The following PACC1 variants were observed in gnomAD, a reference collection of about 807,000 sequenced individuals.
PACC1 encodes the protein proton activated chloride channel 1.
Under a neutral mutation model 39.7 loss-of-function variants are expected in PACC1, and 34 were observed. That is an observed-to-expected ratio of 0.86 (90% CI 0.65 to 1.14). The LOEUF is 1.14. Ranked by LOEUF, PACC1 falls within the 50% of genes most tolerant of loss-of-function variation. PACC1 has a pLI of 0.00. For synonymous variants in PACC1, 127 were observed against 160.6 expected (o/e 0.79, Z 1.58); for missense variants, 379 against 436.4 (o/e 0.87, Z 1.17).
At chr1:212,403,528 T>C (rs931197486) in intron 2 of PACC1, among the ~76,000 whole-genome samples, 4 of 152,212 alleles carry the variant, frequency 2.6e-5, no homozygotes, top group South Asian at 2.1e-4. Flanking sequence ...CTCTGGGCCA[T>C]CTCGACTTCA....
In PACC1 at chr1:212,365,112, TTTC is replaced by T. The variant is rs1660182861; in HGVS notation, c.*100_*102del. The T allele has an allele frequency of 8.1e-7, 1 of 1,234,826 alleles. No homozygotes were observed. The highest frequency in any genetic ancestry group is 2.5e-5 in the East Asian group (1 of 39,896). 76.5% of individuals were successfully genotyped at this position (1,234,826 alleles called of 1,614,324 possible). A position where few individuals can be genotyped will look rare whatever the true frequency, so the allele number is the denominator to read the frequency against. ...TGCTGTTCCTCCCAGCAAGGCCCCA[TTTC>T]TTCAAGTGAGTACAGGATTGTTGAT... is the stretch of plus-strand genomic sequence containing the variant. On this transcript the variant is annotated 3_prime_UTR_variant, in exon 8 of 8. Transcript: ENST00000261455.
chr1:212,408,306 G>A (rs1306601509), intron 2 of PACC1, among the ~76,000 whole-genome samples: 2 of 152,020 alleles, frequency 1.3e-5, no homozygotes, highest in Non-Finnish European at 1.5e-5. Context: ...AAGCAGTCAG[G>A]AAATGTTAGC....
chr1:212,393,430 T>C (rs1278166834), intron 2 of PACC1, among the ~76,000 whole-genome samples: 4 of 151,794 alleles, frequency 2.6e-5, no homozygotes, highest in Admixed American at 6.6e-5. Flanking sequence ...GGGACACATT[T>C]AAAGCAGTGT....
At position 212,380,016 on chromosome 1, in the gene PACC1, C is replaced by G; in HGVS notation, c.517G>C (p.Gly173Arg). The G allele has an allele frequency of 6.2e-7, 1 of 1,614,130 alleles. No homozygotes were observed. Among genetic ancestry groups the G allele is most frequent in the Non-Finnish European group, 8.5e-7 (1 of 1,180,018 alleles). Residue 173 changes from glycine (G) to arginine (R), a missense_variant, in exon 5 of 8, where the codon GGG becomes CGG. By Grantham distance (125) the Gly-to-Arg change is moderately radical. Coordinates refer to ENST00000261455, the MANE Select transcript of PACC1 (RefSeq NM_018252.3). Reference sequence around the variant, plus strand: ...TCCCGCTTTTTCACTTCCCGGGGCCCCTGGACAATCAGGGCAGATTTCTGC... The same window carrying G: ...TCCCGCTTTTTCACTTCCCGGGGCCGCTGGACAATCAGGGCAGATTTCTGC... ...QTVKSALIVQ[G>R]PREVKKRELV...
In PACC1 at chr1:212,408,834, A is replaced by C. The variant is rs952309617; in HGVS notation, c.133+1591T>G. ...TCAAGGCTAGGCTGGTGAGCAAAAC[A>C]GACTGGTCTCTGCCCTCAGGGAGTT... On this transcript the variant is annotated intron_variant, in intron 2 of 7. Coordinates refer to ENST00000261455, the MANE Select transcript of PACC1 (RefSeq NM_018252.3). 2.6e-5 allele frequency among the ~76,000 whole-genome samples: 4 copies of C among 152,224 alleles called. No individual in the cohort carries two copies. The South Asian group carries it at 6.2e-4, about 24-fold the overall frequency.
At chr1:212,367,565 A>G (rs1660291100) in intron 7 of PACC1, among the ~76,000 whole-genome samples, 1 of 152,150 alleles carries the variant, frequency 6.6e-6, no homozygotes, top group Admixed American at 6.5e-5. Context: ...TAGGCCCCAA[A>G]TAATTTCAGT....
rs370826553 is a variant in PACC1 at position 212,377,671 on chromosome 1, C to T, written c.674G>A (p.Ser225Asn). The T allele has an allele frequency of 6.2e-7, 1 of 1,614,194 alleles. No individual in the cohort carries two copies. Among genetic ancestry groups the T allele is most frequent in the Non-Finnish European group, 8.5e-7 (1 of 1,180,026 alleles). The change falls in exon 6 of 8, where the codon AGT (serine) becomes AAT (asparagine). Residue 225 changes from serine (S) to asparagine (N), a missense_variant. Coordinates refer to ENST00000261455, the MANE Select transcript of PACC1 (RefSeq NM_018252.3). ...AGAGAACTTCCAGCTGGAATAGGCA[C>T]TCTCACAGGCCTGCATGAAGCCTAC... ...NRVGFMQACE[S>N]AYSSWKFSGG...
At chr1:212,385,568 T>C (rs913145826) in intron 3 of PACC1, 143 bp from the exon 4 acceptor site, 7 of 861,088 alleles carry the variant, frequency 8.1e-6, no homozygotes, top group Non-Finnish European at 1.1e-5. Context: ...TTTCAGAGGG[T>C]GAGGAGCCAC....
At chr1:212,414,596 C>T (rs2102555506) in intron 1 of PACC1, 126 bp downstream of exon 1, 2 of 1,223,996 alleles carry the variant, frequency 1.6e-6, no homozygotes, top group East Asian at 2.6e-5. Context: ...CCCTGACGCA[C>T]CCGTCGGTCC....
intron 2 of PACC1, among the ~76,000 whole-genome samples, chr1:212,396,527 T>C (rs1450715900): frequency 6.6e-6 from 1 of 151,718 alleles, no homozygotes; most frequent in African/African-American, 2.4e-5. Context: ...ATGGCACATG[T>C]ATACATATGT....
intron 6 of PACC1, among the ~76,000 whole-genome samples, chr1:212,376,099 G>A (rs1660656104): frequency 1.3e-5 from 2 of 152,258 alleles, no homozygotes; most frequent in South Asian, 4.1e-4. Context: ...ATACTTAGTA[G>A]GTGTGCTTGG....
chr1:212,399,558 C>T (rs1003742732), intron 2 of PACC1, among the ~76,000 whole-genome samples: 1 of 151,482 alleles, frequency 6.6e-6, no homozygotes, highest in African/African-American at 2.4e-5. Context: ...AACTCCTGGA[C>T]TCAAGTGGGG....
intron 2 of PACC1, among the ~76,000 whole-genome samples, chr1:212,407,243 C>T (rs977862489): frequency 1.3e-5 from 2 of 152,088 alleles, no homozygotes; most frequent in African/African-American, 2.4e-5. Context: ...AAAGACTCGA[C>T]GAGCCACTGC....
At chr1:212,389,457 C>G (rs74649097) in intron 2 of PACC1, among the ~76,000 whole-genome samples, 2,188 of 152,124 alleles carry the variant, frequency 0.014, 48 homozygotes, top group African/African-American at 0.05. Context: ...AAAAAAAATA[C>G]CCTTCTGAAG....
chr1:212,411,393 C>T (rs1662122466), intron 1 of PACC1, among the ~76,000 whole-genome samples: 1 of 152,176 alleles, frequency 6.6e-6, no homozygotes, highest in Admixed American at 6.5e-5. Context: ...GCAGGAAGGG[C>T]AGGCAGTCCA....
intron 3 of PACC1, 96 bp from the exon 4 acceptor site, chr1:212,385,521 C>T: frequency 7.4e-7 from 1 of 1,347,568 alleles, no homozygotes; most frequent in Non-Finnish European, 1.1e-6. Context: ...ACGTTCTGGA[C>T]TCCCTGGAGG....
chr1:212,374,049 G>GA lies in PACC1; in HGVS notation c.891+1143dup, dbSNP rs199738815. The stretch of plus-strand genomic sequence containing the variant: ...AAAGAAAGGAAATCAAAAAAGAAAA[G>GA]AAAAAAAAAAAAAAAGGAAATCAGT... On this transcript the variant is annotated intron_variant, in intron 7 of 7. Coordinates refer to ENST00000261455, the MANE Select transcript of PACC1 (RefSeq NM_018252.3). Among the ~76,000 whole-genome samples the GA allele has an allele frequency of 3.2e-3, 290 of 89,928 alleles. 1 individual carries two copies. Among genetic ancestry groups the GA allele is most frequent in the South Asian group, 0.01 (26 of 2,568 alleles). 59.0% of individuals were successfully genotyped at this position (89,928 alleles called of 152,430 possible).
At chr1:212,393,252 C>G (rs1346217561) in intron 2 of PACC1, among the ~76,000 whole-genome samples, 1 of 152,204 alleles carries the variant, frequency 6.6e-6, no homozygotes, top group Non-Finnish European at 1.5e-5. Context: ...GACCACAGTG[C>G]AATCAAACTA....
chr1:212,383,389 C>T (rs1038929839), intron 4 of PACC1, among the ~76,000 whole-genome samples: 4 of 152,140 alleles, frequency 2.6e-5, no homozygotes, highest in Non-Finnish European at 5.9e-5. Flanking sequence ...CCTAGTGGGA[C>T]GGAAGCAGCC....
Sources: allele counts gnomAD v4.1 joint callset (sites outside exome capture counted in the v4.1 genomes callset), GRCh38; gene constraint gnomAD v4.1.1; transcripts MANE v1.5; gene names NCBI Gene and HGNC (gene_info 2026-07-23, HGNC 2026-07-21).